Variants in PCDHGB1 observed in about 807,000 individuals in gnomAD.
The protein encoded by PCDHGB1 is protocadherin gamma-B1.
PCDHGB1 carries 34 observed loss-of-function variants against 56.6 expected under a neutral mutation model. The ratio of observed to expected loss-of-function variants is 0.60; its 90% confidence interval spans 0.46 to 0.80. The LOEUF is 0.80. PCDHGB1 is among the 30% of genes least tolerant of loss of function. The pLI, the probability that PCDHGB1 is intolerant of heterozygous loss-of-function variation, is 0.00. For synonymous variants in PCDHGB1, 561 were observed against 505.9 expected, an observed-to-expected ratio of 1.11 and a Z score of -1.46; for missense variants, 1,278 against 1,204.6, an observed-to-expected ratio of 1.06 and a Z score of -0.90.
intron 1 of PCDHGB1, chr5:141,410,127 T>A (rs761667108): frequency 3.7e-6 from 6 of 1,612,926 alleles, no homozygotes; most frequent in Non-Finnish European, 5.1e-6. Context: ...CGCCAGCGCC[T>A]GCTGGTCGCT....
At position 141,388,927 on chromosome 5, in the gene PCDHGB1, A is replaced by G. The variant is rs772950330; in HGVS notation, c.2409+36258A>G. 7 of 1,614,064 alleles carry G rather than the reference A, an allele frequency of 4.3e-6. No individual in the cohort carries two copies. Among genetic ancestry groups the G allele is most frequent in the Non-Finnish European group, 5.1e-6 (6 of 1,179,890 alleles). Reference sequence around the variant, plus strand: ...GACAACGCCCCAGAAGTGATATTCCAGTCTCTACCCAACCTAATTATGGAG... The same window carrying G: ...GACAACGCCCCAGAAGTGATATTCCGGTCTCTACCCAACCTAATTATGGAG... On this transcript the variant is annotated intron_variant, in intron 1 of 3. Coordinates refer to ENST00000523390, the MANE Select transcript of PCDHGB1 (RefSeq NM_018922.3).
At position 141,450,006 on chromosome 5, in the gene PCDHGB1, C is replaced by CTTTTT. The variant is rs1554136305; in HGVS notation, c.2410-44787_2410-44783dup. ...CACATTGCATTTAGTTGCCATGTCTCTTTTTTTTTTTTTTTTTTGAGACAG... is the reference window on the plus strand; with the variant it reads ...CACATTGCATTTAGTTGCCATGTCTCTTTTTTTTTTTTTTTTTTTTTTTGAGACAG... On this transcript the variant is annotated intron_variant, in intron 1 of 3. Transcript: ENST00000523390. Among the ~76,000 whole-genome samples the CTTTTT allele has an allele frequency of 3.4e-4, 45 of 132,908 alleles. 3 individuals carry two copies. Among genetic ancestry groups the CTTTTT allele is most frequent in the South Asian group, 7.1e-4 (3 of 4,236 alleles). 87.2% of individuals were successfully genotyped at this position (132,908 alleles called of 152,430 possible).
rs747811019 is a variant in PCDHGB1 at position 141,490,069 on chromosome 5, C to T, written c.2410-4738C>T. 6 of 1,614,150 alleles carry T rather than the reference C, an allele frequency of 3.7e-6. No homozygotes were observed. Among genetic ancestry groups the T allele is most frequent in the Non-Finnish European group, 5.1e-6 (6 of 1,180,044 alleles). ...TCCAGACGAGGGCACCAACGGCCAA[C>T]TAGACTATTCTTTTGGAGACCACAC... On this transcript the variant is annotated intron_variant, in intron 1 of 3. Transcript: ENST00000523390. This position sits in a 1 kb window ranked among gnomAD's most constrained non-coding sequence, Gnocchi z 5.4.
At chr5:141,366,741 G>T in intron 1 of PCDHGB1, 1 of 1,611,828 alleles carries the variant, frequency 6.2e-7, no homozygotes, top group South Asian at 1.1e-5. Context: ...AAAGAAGAAC[G>T]GCGAGTTCAG....
chr5:141,354,680 T>C (rs1484161704), intron 1 of PCDHGB1, among the ~76,000 whole-genome samples: 3 of 152,232 alleles, frequency 2.0e-5, no homozygotes, highest in Admixed American at 2.0e-4. Flanking sequence ...GAGATAATTA[T>C]GTCCCTCACA....
At chr5:141,361,935 C>A (rs1430503003) in intron 1 of PCDHGB1, 3 of 1,605,956 alleles carry the variant, frequency 1.9e-6, no homozygotes, top group Admixed American at 1.7e-5. Flanking sequence ...ACTCAGGACA[C>A]AACGCTTGGC....
intron 1 of PCDHGB1, among the ~76,000 whole-genome samples, chr5:141,454,268 G>A (rs2098785692): frequency 6.6e-6 from 1 of 152,126 alleles, no homozygotes; most frequent in African/African-American, 2.4e-5. Context: ...AGTAATGCCA[G>A]CAAAAACTTC....
At chr5:141,427,304 C>G in intron 1 of PCDHGB1, 1 of 456,910 alleles carries the variant, frequency 2.2e-6, no homozygotes. Flanking sequence ...ATGAGAATGA[C>G]AATGCCCCAG....
At chr5:141,426,779 T>G in intron 1 of PCDHGB1, 6 of 456,698 alleles carry the variant, frequency 1.3e-5, no homozygotes, top group Non-Finnish European at 1.8e-5. Context: ...GGCCTCACTC[T>G]CTCCAGAGTT....
rs749995138 is a variant in PCDHGB1 at position 141,408,745 on chromosome 5, G to A, written c.2409+56076G>A. The A allele has an allele frequency of 3.7e-6, 6 of 1,609,862 alleles. No homozygotes were observed. In the African/African-American group the frequency reaches 4.0e-5, roughly 11 times the overall value. ...ACTCTAATCCTTATTTTTCATTAAT[G>A]GTTAGAGTTAATTCCGATGGTGGCA... On this transcript the variant is annotated intron_variant, in intron 1 of 3. Transcript: ENST00000523390.
Position 141,366,878 on chromosome 5 carries a change from AT to A in PCDHGB1, c.2409+14217del, listed in dbSNP as rs994289295. On this transcript the variant is annotated intron_variant, in intron 1 of 3. Coordinates refer to ENST00000523390, the MANE Select transcript of PCDHGB1 (RefSeq NM_018922.3). ...ACATTATTTGCTGTATTGGAGATTA[AT>A]TTTTTTTATATAATTCATGCTTTCT... 7.2e-5 allele frequency: 96 copies of A among 1,341,212 alleles called. No homozygotes were observed. In the Middle Eastern group the frequency reaches 7.6e-4, roughly 11 times the overall value. 83.1% of individuals were successfully genotyped at this position (1,341,212 alleles called of 1,614,324 possible).
chr5:141,464,773 C>G (rs576769467), intron 1 of PCDHGB1, among the ~76,000 whole-genome samples: 79 of 152,106 alleles, frequency 5.2e-4, no homozygotes, highest in African/African-American at 1.9e-3. Context: ...GAATCTTGTT[C>G]TGTTGCCCAG....
chr5:141,441,289 T>C (rs1350801949), intron 1 of PCDHGB1: 1 of 152,212 alleles, frequency 6.6e-6, no homozygotes, highest in Non-Finnish European at 1.5e-5. Flanking sequence ...CGAGGTCACA[T>C]GTCTGATATA....
At chr5:141,364,574 G>C (rs184408500) in intron 1 of PCDHGB1, 12 of 1,614,166 alleles carry the variant, frequency 7.4e-6, no homozygotes, top group Non-Finnish European at 1.0e-5. Context: ...CCCGCGAAGC[G>C]GCAGCTTGGT....
chr5:141,352,447 C>T lies in PCDHGB1; in HGVS notation c.2187C>T (p.Ser729=), dbSNP rs752870909. The T allele has an allele frequency of 1.2e-6, 2 of 1,614,048 alleles. No individual in the cohort carries two copies. Among genetic ancestry groups the T allele is most frequent in the Admixed American group, 3.3e-5 (2 of 60,026 alleles). Residue 729 remains serine, a synonymous_variant, in exon 1 of 4, where the codon TCC becomes TCT. Transcript: ENST00000523390. ...GCTGCTTTCAAACCGGTCTCTGCTC[C>T]AAGTCTGGGCCCGGGGTTCCTCCCA... ...TEGCFQTGLC[S]KSGPGVPPNH... is the part of the protein sequence containing the mutation.
At chr5:141,422,044 G>A (rs780284162) in intron 1 of PCDHGB1, 1 of 1,611,530 alleles carries the variant, frequency 6.2e-7, no homozygotes, top group Non-Finnish European at 8.5e-7. Flanking sequence ...TCCAGACGAG[G>A]GAATCAACGG....
chr5:141,383,788 C>T (rs1375292315), intron 1 of PCDHGB1: 2 of 1,613,944 alleles, frequency 1.2e-6, no homozygotes, highest in Non-Finnish European at 1.7e-6. Context: ...TCTGAACTCG[C>T]TTACAGGAGA....
chr5:141,491,937 AC>A lies in PCDHGB1; in HGVS notation c.2410-2865del. ...CTGTGGGCGAGGGGAGGTGGGACCG[AC>A]CCCCACCCCTACACTCAAAAAAGGC... On this transcript the variant is annotated intron_variant, in intron 1 of 3. Transcript: ENST00000523390. This position sits in a 1 kb window ranked among gnomAD's most constrained non-coding sequence, Gnocchi z 6.9. The A allele has an allele frequency of 3.4e-6, 4 of 1,164,304 alleles. No homozygotes were observed. Among genetic ancestry groups the A allele is most frequent in the Non-Finnish European group, 4.7e-6 (4 of 858,404 alleles). The allele number at this position is 1,164,304 out of a possible 1,614,324, so 72.1% of individuals were successfully genotyped here.
chr5:141,419,763 A>T, intron 1 of PCDHGB1: 1 of 1,614,014 alleles, frequency 6.2e-7, no homozygotes, highest in South Asian at 1.1e-5. Flanking sequence ...TTGGGTGACA[A>T]GGACTCGGTC....
Sources: gnomAD v4.1 joint callset for allele counts (sites outside exome capture counted in the v4.1 genomes callset) on GRCh38, gnomAD v4.1.1 for gene constraint, Gnocchi (gnomAD v3.1) non-coding constraint, MANE v1.5 for transcripts, NCBI Gene and HGNC (gene_info 2026-07-23, HGNC 2026-07-21) for gene names.